Variants in COL23A1 observed in about 807,000 individuals in gnomAD.
The protein encoded by COL23A1 is collagen type XXIII alpha 1 chain, also known as collagen alpha-1(XXIII) chain.
Under a neutral mutation model 99.3 loss-of-function variants are expected in COL23A1, and 97 were observed. That is an observed-to-expected ratio of 0.98 (90% CI 0.83 to 1.16). The LOEUF (loss-of-function observed/expected upper bound fraction) is 1.16. COL23A1 is among the 50% of genes most tolerant of loss of function. The pLI is 0.00. For missense variants in COL23A1, 762 were observed against 757.4 expected (o/e 1.01, Z -0.07); for synonymous variants, 320 against 308.2 (o/e 1.04, Z -0.40).
At chr5:178,249,687 C>CAT (rs1407069818) in intron 18 of COL23A1, among the ~76,000 whole-genome samples, 1 of 87,142 alleles carries the variant, frequency 1.1e-5, no homozygotes, top group Non-Finnish European at 2.5e-5. Context: ...TAGGATAACA[C>CAT]ACACACACAC....
At chr5:178,293,957 T>G (rs965716630) in intron 3 of COL23A1, among the ~76,000 whole-genome samples, 14 of 151,950 alleles carry the variant, frequency 9.2e-5, no homozygotes, top group African/African-American at 3.4e-4. Context: ...TACGTGGCTA[T>G]CAAGATTCAC....
intron 1 of COL23A1, among the ~76,000 whole-genome samples, chr5:178,566,121 C>T (rs534489419): frequency 1.3e-5 from 2 of 151,944 alleles, no homozygotes; most frequent in Non-Finnish European, 2.9e-5. Flanking sequence ...GAGCAAGACT[C>T]CATCCCAAAA....
chr5:178,537,944 C>G (rs1472043251), intron 2 of COL23A1, among the ~76,000 whole-genome samples: 2 of 152,366 alleles, frequency 1.3e-5, no homozygotes, highest in Admixed American at 1.3e-4. Context: ...CCCTGGCACT[C>G]ACCCCAGGTA....
intron 2 of COL23A1, among the ~76,000 whole-genome samples, chr5:178,543,635 C>A (rs961161587): frequency 6.6e-6 from 1 of 152,092 alleles, no homozygotes; most frequent in East Asian, 1.9e-4. Context: ...TTGTGGGTGG[C>A]GGAGGCAGAT....
At position 178,521,033 on chromosome 5, in the gene COL23A1, C is replaced by T. The variant is rs560947500; in HGVS notation, c.361+39649G>A. ...GCAGAGCCTACTACACACTGGGCTA[C>T]GTGGTGTAGCCTATTGCCCCCAGGC... On this transcript the variant is annotated intron_variant, in intron 2 of 28. Transcript: ENST00000390654. 6.6e-5 allele frequency among the ~76,000 whole-genome samples: 10 copies of T among 152,316 alleles called. No individual in the cohort carries two copies. In the South Asian group the frequency reaches 1.0e-3, roughly 16 times the overall value.
chr5:178,275,265 A>G (rs1016810985), intron 5 of COL23A1, among the ~76,000 whole-genome samples: 3 of 152,254 alleles, frequency 2.0e-5, no homozygotes. Context: ...CCCACGGGCA[A>G]GCAGACACTG....
At chr5:178,399,695 T>C (rs1764333462) in intron 2 of COL23A1, among the ~76,000 whole-genome samples, 1 of 152,142 alleles carries the variant, frequency 6.6e-6, no homozygotes, top group Non-Finnish European at 1.5e-5. Context: ...AAACCAAAGA[T>C]GGTTTTTAAA....
intron 5 of COL23A1, among the ~76,000 whole-genome samples, chr5:178,279,566 G>T (rs752829509): frequency 6.6e-6 from 1 of 152,194 alleles, no homozygotes; most frequent in African/African-American, 2.4e-5. Context: ...GAGGCCTCAG[G>T]TTCCAGCCCA....
intron 2 of COL23A1, among the ~76,000 whole-genome samples, chr5:178,527,709 G>A (rs561575594): frequency 6.6e-6 from 1 of 152,096 alleles, no homozygotes; most frequent in Admixed American, 6.5e-5. Flanking sequence ...TGCTCCCGGG[G>A]ACCCCACTGC....
intron 2 of COL23A1, chr5:178,523,446 A>G (rs6859335): frequency 0.26 from 38,116 of 144,742 alleles, 6,277 homozygotes; most frequent in East Asian, 0.66. Context: ...AAAAAAAAAA[A>G]AAAGAAAAAG....
intron 2 of COL23A1, among the ~76,000 whole-genome samples, chr5:178,372,068 G>A (rs1386315953): frequency 6.6e-6 from 1 of 152,244 alleles, no homozygotes. Flanking sequence ...TAAAACACGG[G>A]AACTCATAGC....
chr5:178,257,534 G>A lies in COL23A1; in HGVS notation c.763C>T (p.Pro255Ser). Residue 255 changes from proline (P) to serine (S), a missense_variant, in exon 13 of 29, where the codon CCA (proline) becomes TCA (serine). By Grantham distance (74) the Pro-to-Ser change is moderately conservative. Transcript: ENST00000390654. The stretch of plus-strand genomic sequence containing the variant: ...GGGCAGATACTCACCTTGGGCCCTG[G>A]TGGTCCAGGCTGGCTTGGTGTCCCA... ...DDGTPSQPGPPGPKGEPGSMG... is the reference protein window; with the variant it reads ...DDGTPSQPGPSGPKGEPGSMG... 2 of 1,566,472 alleles carry A rather than the reference G, an allele frequency of 1.3e-6. No homozygotes were observed. Among genetic ancestry groups the A allele is most frequent in the East Asian group, 2.4e-5 (1 of 42,422 alleles).
chr5:178,326,820 A>C (rs554161571), intron 2 of COL23A1, among the ~76,000 whole-genome samples: 1 of 152,234 alleles, frequency 6.6e-6, no homozygotes, highest in Non-Finnish European at 1.5e-5. Context: ...CCTGGGTTCA[A>C]GCAATTCTCC....
At chr5:178,530,863 T>G (rs1760607746) in intron 2 of COL23A1, among the ~76,000 whole-genome samples, 1 of 152,150 alleles carries the variant, frequency 6.6e-6, no homozygotes, top group South Asian at 2.1e-4. Context: ...GATTCATGAA[T>G]GAAATAAGCA....
rs1758490959 is a variant in COL23A1, at chr5:178,308,576, A to G, written c.362-1657T>C. Among the ~76,000 whole-genome samples the G allele has an allele frequency of 1.3e-5, 2 of 152,112 alleles. No homozygotes were observed. The highest frequency in any genetic ancestry group is 2.9e-5 in the Non-Finnish European group (2 of 68,020). ...ATACTGTGTGGGTTTACAGCTTATG[A>G]GGCACCTCCAGGCCCATGCTCCTGG... is the stretch of plus-strand genomic sequence containing the variant. On this transcript the variant is annotated intron_variant, in intron 2 of 28. Transcript: ENST00000390654. The surrounding 1 kb of genome is among the most constrained non-coding windows in gnomAD (Gnocchi z 5.1).
intron 2 of COL23A1, among the ~76,000 whole-genome samples, chr5:178,537,746 C>T (rs1318317234): frequency 3.9e-5 from 6 of 152,224 alleles, no homozygotes; most frequent in African/African-American, 4.8e-5. Flanking sequence ...ATGACGTTTA[C>T]GTGGTGAAAC....
At chr5:178,346,857 C>T (rs534134124) in intron 2 of COL23A1, among the ~76,000 whole-genome samples, 1 of 152,372 alleles carries the variant, frequency 6.6e-6, no homozygotes, top group East Asian at 1.9e-4. Flanking sequence ...ACACCAGCCT[C>T]ACACTGGGCT....
chr5:178,354,435 C>T (rs1234325005), intron 2 of COL23A1, among the ~76,000 whole-genome samples: 1 of 152,016 alleles, frequency 6.6e-6, no homozygotes, highest in African/African-American at 2.4e-5. Context: ...GATCTGTGTC[C>T]CCACTCAAGT....
At chr5:178,533,676 T>C (rs763986786) in intron 2 of COL23A1, among the ~76,000 whole-genome samples, 49 of 152,084 alleles carry the variant, frequency 3.2e-4, no homozygotes, top group Non-Finnish European at 4.9e-4. Context: ...TTTTGTATTT[T>C]TTAGTAGAGA....
Sources: allele counts gnomAD v4.1 joint callset (sites outside exome capture counted in the v4.1 genomes callset), GRCh38; gene constraint gnomAD v4.1.1; non-coding constraint Gnocchi (gnomAD v3.1); transcripts MANE v1.5; gene names NCBI Gene and HGNC (gene_info 2026-07-23, HGNC 2026-07-21).